Variants in TP63 observed in about 807,000 individuals in gnomAD.
TP63 encodes the protein tumor protein p63.
Under a neutral mutation model 82.8 loss-of-function variants are expected in TP63, and 17 were observed. The ratio of observed to expected loss-of-function variants is 0.21; its 90% confidence interval spans 0.14 to 0.31. The LOEUF is 0.31. Among genes scored for constraint, TP63 ranks in the 10% least tolerant of loss-of-function variants. The probability of loss-of-function intolerance (pLI) is 1.00; values close to 1 mark genes in which losing one functional copy is unlikely to be tolerated. For synonymous variants in TP63, 330 were observed against 321.7 expected (o/e 1.03, Z -0.28); for missense variants, 648 against 895.3 (o/e 0.72, Z 3.52).
chr3:189,805,021 G>A (rs1377802633), intron 3 of TP63, among the ~76,000 whole-genome samples: 1 of 152,074 alleles, frequency 6.6e-6, no homozygotes, highest in Admixed American at 6.5e-5. Context: ...ATCTCCCTTG[G>A]GACTGGATAT....
At chr3:189,879,913 A>T (rs1719714344) in intron 10 of TP63, 15 of 1,108,994 alleles carry the variant, frequency 1.4e-5, no homozygotes, top group East Asian at 2.8e-5. Flanking sequence ...AAAAGAAGAT[A>T]AATTGGAAGA....
intron 4 of TP63, among the ~76,000 whole-genome samples, chr3:189,816,780 G>C (rs1211755414): frequency 6.6e-6 from 1 of 152,160 alleles, no homozygotes; most frequent in Non-Finnish European, 1.5e-5. Flanking sequence ...GAGGCACACA[G>C]AGGCGTAAAG....
intron 4 of TP63, among the ~76,000 whole-genome samples, chr3:189,832,432 C>T (rs867849268): frequency 6.6e-6 from 1 of 152,134 alleles, no homozygotes; most frequent in Non-Finnish European, 1.5e-5. Context: ...AACTCAAGTA[C>T]AATAGCTGCA....
At chr3:189,758,913 A>G (rs1722374444) in intron 3 of TP63, among the ~76,000 whole-genome samples, 1 of 151,842 alleles carries the variant, frequency 6.6e-6, no homozygotes, top group African/African-American at 2.4e-5. Flanking sequence ...GAAAGCCAAC[A>G]CTCTTTTGTC....
intron 4 of TP63, chr3:189,844,325 C>T: frequency 2.5e-6 from 1 of 407,042 alleles, no homozygotes; most frequent in Non-Finnish European, 5.0e-6. Flanking sequence ...GCACGCGCCA[C>T]CACGCCCAGC....
At chr3:189,789,770 G>A in intron 3 of TP63, 3 of 1,579,654 alleles carry the variant, frequency 1.9e-6, no homozygotes, top group East Asian at 4.7e-5. Context: ...CAGAAGAAAG[G>A]ACAGCAGCAT....
chr3:189,699,232 A>C (rs534930467), intron 1 of TP63, among the ~76,000 whole-genome samples: 1 of 152,290 alleles, frequency 6.6e-6, no homozygotes, highest in East Asian at 1.9e-4. Flanking sequence ...TATTTTACTC[A>C]TGGAGAAACT....
chr3:189,825,173 T>G (rs899424135), intron 4 of TP63, among the ~76,000 whole-genome samples: 1 of 152,192 alleles, frequency 6.6e-6, no homozygotes, highest in African/African-American at 2.4e-5. Flanking sequence ...AAGACCTGTT[T>G]GTGTGTTAGT....
chr3:189,612,082 G>A, the TP63 span, among the ~76,000 whole-genome samples: 3 of 152,092 alleles, frequency 2.0e-5, no homozygotes, highest in Admixed American at 6.6e-5. Flanking sequence ...ATCAAAGATC[G>A]TTTGCCTTGT....
chr3:189,741,239 G>A (rs561725867), intron 3 of TP63, among the ~76,000 whole-genome samples: 2 of 150,104 alleles, frequency 1.3e-5, no homozygotes, highest in African/African-American at 2.4e-5. Context: ...TCCTAACAAC[G>A]TAGAAATCCT....
intron 1 of TP63, among the ~76,000 whole-genome samples, chr3:189,734,738 G>A (rs1720449452): frequency 6.6e-6 from 1 of 152,052 alleles, no homozygotes; most frequent in South Asian, 2.1e-4. Context: ...CTTTATATCT[G>A]TACTTAATTT....
At chr3:189,735,488 T>C (rs1046840079) in intron 1 of TP63, among the ~76,000 whole-genome samples, 1 of 152,220 alleles carries the variant, frequency 6.6e-6, no homozygotes, top group Admixed American at 6.5e-5. Context: ...AGTGGAATCA[T>C]CAACCACACG....
intron 3 of TP63, among the ~76,000 whole-genome samples, chr3:189,787,111 C>A (rs1203576376): frequency 6.6e-6 from 1 of 151,710 alleles, no homozygotes; most frequent in Non-Finnish European, 1.5e-5. Context: ...TGTGAGGATA[C>A]CTTAAAGCAA....
chr3:189,757,646 TC>T (rs1420828802), intron 3 of TP63, among the ~76,000 whole-genome samples: 1 of 152,176 alleles, frequency 6.6e-6, no homozygotes, highest in East Asian at 1.9e-4. Flanking sequence ...TTTTTGTTTT[TC>T]CAAAAAATAT....
chr3:189,748,562 A>T lies in TP63; in HGVS notation c.324+9788A>T, dbSNP rs532788709. Among the ~76,000 whole-genome samples the T allele has an allele frequency of 2.0e-5, 3 of 151,294 alleles. No homozygotes were observed. In the South Asian group the frequency reaches 6.3e-4, roughly 32 times the overall value. On this transcript the variant is annotated intron_variant, in intron 3 of 13. Transcript: ENST00000264731. ...GGGGGACAGAAAAAAAATGAAAGAC[A>T]TTCTATGCTCATGGATTGGAAGAAT...
At chr3:189,660,896 G>A (rs1410934710) in intron 1 of TP63, among the ~76,000 whole-genome samples, 2 of 151,636 alleles carry the variant, frequency 1.3e-5, no homozygotes, top group African/African-American at 4.8e-5. Context: ...GCTACTGATA[G>A]CATTTCTATC....
chr3:189,687,364 A>G (rs1245865880), intron 1 of TP63, among the ~76,000 whole-genome samples: 1 of 152,230 alleles, frequency 6.6e-6, no homozygotes, highest in Non-Finnish European at 1.5e-5. Context: ...CAAGACAAGA[A>G]ATGGAAAAAC....
chr3:189,605,863 A>G, the TP63 span, among the ~76,000 whole-genome samples: 1 of 152,202 alleles, frequency 6.6e-6, no homozygotes, highest in Non-Finnish European at 1.5e-5. Context: ...TTTTACACTG[A>G]GTGTGTTTAT....
intron 4 of TP63, among the ~76,000 whole-genome samples, chr3:189,811,807 A>G (rs1372380464): frequency 6.6e-6 from 1 of 152,160 alleles, no homozygotes; most frequent in Non-Finnish European, 1.5e-5. Flanking sequence ...AAGTCTCTCC[A>G]CCATCCTAGT....
Sources: allele counts gnomAD v4.1 joint callset (sites outside exome capture counted in the v4.1 genomes callset), GRCh38; gene constraint gnomAD v4.1.1; transcripts MANE v1.5; gene names NCBI Gene and HGNC (gene_info 2026-07-23, HGNC 2026-07-21).